Variants in ZNF699 observed in about 807,000 individuals in gnomAD.
ZNF699 encodes zinc finger protein 699, also known as hangover homolog.
Under a neutral mutation model 22.5 loss-of-function variants are expected in ZNF699, and 18 were observed. That is an observed-to-expected ratio of 0.80 (90% CI 0.55 to 1.19). The LOEUF (loss-of-function observed/expected upper bound fraction) is 1.19. Among genes scored for constraint, ZNF699 ranks in the 50% most tolerant of loss-of-function variants. The pLI is 0.00. For missense variants in ZNF699, 670 were observed against 763.4 expected (o/e 0.88, Z 1.44); for synonymous variants, 241 against 262.3 (o/e 0.92, Z 0.78).
At position 9,302,454 on chromosome 19, in the gene ZNF699, C is replaced by G; in HGVS notation, c.99G>C (p.Trp33Cys). 1 of 1,613,988 alleles carries G rather than the reference C, an allele frequency of 6.2e-7. No individual in the cohort carries two copies. Among genetic ancestry groups the G allele is most frequent in the Non-Finnish European group, 8.5e-7 (1 of 1,179,912 alleles). Residue 33 changes from tryptophan to cysteine, a missense_variant, in exon 3 of 6, where the codon TGG becomes TGC. Coordinates refer to ENST00000591998, the MANE Select transcript of ZNF699 (RefSeq NM_198535.3). ...TTCTCTGAGCAAGATCCAGCAAAGCCCATTCCTCCTGGGTAAAGTCCACAG... is the reference window on the plus strand; with the variant it reads ...TTCTCTGAGCAAGATCCAGCAAAGCGCATTCCTCCTGGGTAAAGTCCACAG... The part of the protein sequence containing the change: ...DVAVDFTQEE[W>C]ALLDLAQRNL...
In ZNF699 at chr19:9,295,675, G is replaced by A. The variant is rs757045264; in HGVS notation, c.1729C>T (p.His577Tyr). The A allele has an allele frequency of 3.7e-6, 6 of 1,614,150 alleles. No individual in the cohort carries two copies. The South Asian group carries it at 6.6e-5, about 18-fold the overall frequency. ...TTCTCTCCAGTGTGCATTCTTGCATGTACAGTAAGGTATGAAGAATGACGA... is the reference window on the plus strand; with the variant it reads ...TTCTCTCCAGTGTGCATTCTTGCATATACAGTAAGGTATGAAGAATGACGA... ...AFRHSSYLTVHARMHTGEKPF... is the reference protein window; with the variant it reads ...AFRHSSYLTVYARMHTGEKPF... Residue 577 changes from histidine (H) to tyrosine (Y), a missense_variant, in exon 6 of 6, where the codon CAT (histidine) becomes TAT (tyrosine). His to Tyr is a moderately conservative substitution (Grantham distance 83). Transcript: ENST00000591998.
At chr19:9,307,764 T>C (rs1266883873) in intron 1 of ZNF699, among the ~76,000 whole-genome samples, 1 of 152,068 alleles carries the variant, frequency 6.6e-6, no homozygotes, top group African/African-American at 2.4e-5. Context: ...CTGGCCAAGA[T>C]GGTGAAACCC....
At chr19:9,303,821 CTT>C (rs144086110) in intron 2 of ZNF699, among the ~76,000 whole-genome samples, 17 of 136,054 alleles carry the variant, frequency 1.2e-4, no homozygotes, top group Admixed American at 2.2e-4. Flanking sequence ...AAATTGTTTT[CTT>C]TTTTTTTTTT....
At chr19:9,304,147 G>A (rs1599253979) in intron 2 of ZNF699, among the ~76,000 whole-genome samples, 1 of 152,116 alleles carries the variant, frequency 6.6e-6, no homozygotes, top group African/African-American at 2.4e-5. Flanking sequence ...CAATATCATA[G>A]ATGGTGACCA....
intron 3 of ZNF699, among the ~76,000 whole-genome samples, chr19:9,300,283 T>C (rs1448874112): frequency 6.6e-6 from 1 of 152,190 alleles, no homozygotes; most frequent in Non-Finnish European, 1.5e-5. Flanking sequence ...AGTTTCACCC[T>C]GTTAGCCAGG....
Position 9,293,587 on chromosome 19 carries a change from AC to A in ZNF699, c.*1887del, listed in dbSNP as rs1422480012. 6.6e-6 allele frequency among the ~76,000 whole-genome samples: 1 copy of A among 152,216 alleles called. No individual in the cohort carries two copies. The highest frequency in any genetic ancestry group is 1.5e-5 in the Non-Finnish European group (1 of 68,036). On this transcript the variant is annotated 3_prime_UTR_variant, in exon 6 of 6. Coordinates refer to ENST00000591998, the MANE Select transcript of ZNF699 (RefSeq NM_198535.3). ...TTGGATGAAAATCAAGAACAAGCAC[AC>A]CAAGTCAATTATAGTAAGAGTCAAA...
chr19:9,305,266 T>TACACACAC, intron 1 of ZNF699, 142 bp from the exon 2 acceptor site: 1 of 583,452 alleles, frequency 1.7e-6, no homozygotes, highest in Non-Finnish European at 3.1e-6. Flanking sequence ...TCAAAACACA[T>TACACACAC]ACACACACAC....
Position 9,295,424 on chromosome 19 carries a change from A to G in ZNF699, c.*51T>C. ...GGGTGTCTCCACAGTATGAGATCTCACATGTTGCCTAGGATCTGAAGCTTT... is the reference window on the plus strand; with the variant it reads ...GGGTGTCTCCACAGTATGAGATCTCGCATGTTGCCTAGGATCTGAAGCTTT... On this transcript the variant is annotated 3_prime_UTR_variant, in exon 6 of 6. Coordinates refer to ENST00000591998, the MANE Select transcript of ZNF699 (RefSeq NM_198535.3). The G allele has an allele frequency of 6.5e-7, 1 of 1,543,718 alleles. No individual in the cohort carries two copies. The highest frequency in any genetic ancestry group is 8.7e-7 in the Non-Finnish European group (1 of 1,149,306).
rs1599249445 is a variant in ZNF699 at position 9,295,418 on chromosome 19, G to A, written c.*57C>T. ...TTCATAGGGTGTCTCCACAGTATGA[G>A]ATCTCACATGTTGCCTAGGATCTGA... On this transcript the variant is annotated 3_prime_UTR_variant, in exon 6 of 6. Transcript: ENST00000591998. 6 of 1,536,786 alleles carry A rather than the reference G, an allele frequency of 3.9e-6. No individual in the cohort carries two copies. The highest frequency in any genetic ancestry group is 2.3e-5 in the East Asian group (1 of 44,396).
At position 9,297,618 on chromosome 19, in the gene ZNF699, T is replaced by A; in HGVS notation, c.287-139A>T. The A allele has an allele frequency of 1.4e-6, 1 of 692,458 alleles. No homozygotes were observed. The highest frequency in any genetic ancestry group is 2.3e-6 in the Non-Finnish European group (1 of 426,648). The allele number at this position is 692,458 out of a possible 1,614,324, so 42.9% of individuals were successfully genotyped here. On this transcript the variant is annotated intron_variant, in intron 4 of 5. Coordinates refer to ENST00000591998, the MANE Select transcript of ZNF699 (RefSeq NM_198535.3). This position sits in a 1 kb window ranked among gnomAD's most constrained non-coding sequence, Gnocchi z 4.3. ...GAAATAATTTTATGAAGATTGAAACTAACATAACTAATATAGTATTAGGAG... is the reference window on the plus strand; with the variant it reads ...GAAATAATTTTATGAAGATTGAAACAAACATAACTAATATAGTATTAGGAG...
Position 9,296,249 on chromosome 19 carries a change from A to G in ZNF699, c.1155T>C (p.His385=), listed in dbSNP as rs2066285661. 1.2e-6 allele frequency: 2 copies of G among 1,612,516 alleles called. No individual in the cohort carries two copies. Among genetic ancestry groups the G allele is most frequent in the Non-Finnish European group, 1.7e-6 (2 of 1,179,626 alleles). Residue 385 remains histidine (H), a synonymous_variant, in exon 6 of 6, where the codon CAT becomes CAC. Coordinates refer to ENST00000591998, the MANE Select transcript of ZNF699 (RefSeq NM_198535.3). ...TACATTTATAGGGTTTCTCTCCAGT[A>G]TGTGTCCTCCCATGTACAGTGAGTT... The part of the protein sequence containing the change: ...SSKLTVHGRT[H]TGEKPYKCKE...
Position 9,295,291 on chromosome 19 carries a change from A to C in ZNF699, c.*184T>G, listed in dbSNP as rs948312160. 2 of 650,008 alleles carry C rather than the reference A, an allele frequency of 3.1e-6. No homozygotes were observed. Among genetic ancestry groups the C allele is most frequent in the Non-Finnish European group, 5.0e-6 (2 of 396,328 alleles). 40.3% of individuals were successfully genotyped at this position (650,008 alleles called of 1,614,324 possible). ...AGAGATTTTCTTATACATAATAAGC[A>C]ATGTTCATAAAGGCTTTAGCACATG... On this transcript the variant is annotated 3_prime_UTR_variant, in exon 6 of 6. Transcript: ENST00000591998.
At chr19:9,306,297 C>T (rs141698133) in intron 1 of ZNF699, among the ~76,000 whole-genome samples, 2,171 of 151,890 alleles carry the variant, frequency 0.014, 29 homozygotes, top group African/African-American at 0.028. Context: ...GAGGCTGAGG[C>T]AGGAGAATCG....
In ZNF699 at chr19:9,295,631, T is replaced by C. The variant is rs774305105; in HGVS notation, c.1773A>G (p.Glu591=). The C allele has an allele frequency of 4.3e-6, 7 of 1,614,150 alleles. No homozygotes were observed. The highest frequency in any genetic ancestry group is 5.9e-6 in the Non-Finnish European group (7 of 1,180,014). Reference sequence around the variant, plus strand: ...AGGGACAACTGAAAGCTTTTCCACATTCCAGACATTCAAAGGGTTTCTCTC... The same window carrying C: ...AGGGACAACTGAAAGCTTTTCCACACTCCAGACATTCAAAGGGTTTCTCTC... ...HTGEKPFECL[E]CGKAFSCPSS... Residue 591 remains glutamate, a synonymous_variant, in exon 6 of 6, where the codon GAA becomes GAG. Transcript: ENST00000591998.
At chr19:9,302,572 G>C in intron 2 of ZNF699, 68 bp from the exon 3 acceptor site, 2 of 1,489,392 alleles carry the variant, frequency 1.3e-6, no homozygotes, top group East Asian at 4.7e-5. Flanking sequence ...GGACAGATGA[G>C]GCTCACAACA....
At chr19:9,301,951 G>A (rs2066309014) in intron 3 of ZNF699, among the ~76,000 whole-genome samples, 1 of 149,062 alleles carries the variant, frequency 6.7e-6, no homozygotes, top group Non-Finnish European at 1.5e-5. Context: ...TGCCCAGGCT[G>A]GAGTGCAATG....
chr19:9,296,556 T>G lies in ZNF699; in HGVS notation c.848A>C (p.Glu283Ala). The G allele has an allele frequency of 1.2e-6, 2 of 1,614,212 alleles. No homozygotes were observed. The highest frequency in any genetic ancestry group is 1.7e-6 in the Non-Finnish European group (2 of 1,180,028). ...GGAACAACTAAAACCTTTCCCACATTCTTTACATTCATAGTTTGTCTTTCC... is the reference window on the plus strand; with the variant it reads ...GGAACAACTAAAACCTTTCCCACATGCTTTACATTCATAGTTTGTCTTTCC... The part of the protein sequence containing the change: ...HIGKTNYECK[E>A]CGKGFSCSSS... Residue 283 changes from glutamate (E) to alanine (A), a missense_variant, in exon 6 of 6, where the codon GAA (glutamate) becomes GCA (alanine). Coordinates refer to ENST00000591998, the MANE Select transcript of ZNF699 (RefSeq NM_198535.3).
At position 9,296,759 on chromosome 19, in the gene ZNF699, C is replaced by T. The variant is rs2066288414; in HGVS notation, c.645G>A (p.Arg215=). 10 of 1,613,952 alleles carry T rather than the reference C, an allele frequency of 6.2e-6. No individual in the cohort carries two copies. The highest frequency in any genetic ancestry group is 7.6e-6 in the Non-Finnish European group (9 of 1,180,020). ...VDHSSLKSHI[R]SHTGSKPYQC... is the part of the protein sequence containing the mutation. ...GATAGGGTTTGCTTCCAGTATGAGA[C>T]CTGATGTGACTCTTAAGGGATGAAT... The change falls in exon 6 of 6, where the codon AGG becomes AGA. Residue 215 remains arginine, a synonymous_variant. Transcript: ENST00000591998.
In ZNF699 at chr19:9,305,114, C is replaced by T. The variant is rs2066322591; in HGVS notation, c.6G>A (p.Glu2=). The change falls in exon 2 of 6, where the codon GAG becomes GAA. Residue 2 remains glutamate (E), a synonymous_variant. Transcript: ENST00000591998. M[E]EERKTAELQK... is the part of the protein sequence containing the mutation. ...GTAACTCAGCAGTTTTTCTTTCTTC[C>T]TCCATGTCGCCTTCATGAAGAAAAG... 1.2e-6 allele frequency: 2 copies of T among 1,613,162 alleles called. No homozygotes were observed. The highest frequency in any genetic ancestry group is 3.3e-5 in the Admixed American group (2 of 59,964).
Sources: allele counts gnomAD v4.1 joint callset (sites outside exome capture counted in the v4.1 genomes callset), GRCh38; gene constraint gnomAD v4.1.1; non-coding constraint Gnocchi (gnomAD v3.1); transcripts MANE v1.5; gene names NCBI Gene and HGNC (gene_info 2026-07-23, HGNC 2026-07-21).